Variants in PLB1 observed in about 807,000 individuals in gnomAD.
PLB1 encodes the protein phospholipase B1, also known as phospholipase B1, membrane-associated.
PLB1 carries 242 observed loss-of-function variants against 227.4 expected under a neutral mutation model. The observed-to-expected ratio is 1.06, with a 90% CI of 0.96 to 1.18. The LOEUF is 1.18. PLB1 is among the 50% of genes most tolerant of loss of function. The pLI is 0.00. For synonymous variants in PLB1, 757 were observed against 682.2 expected (o/e 1.11, Z -1.71); for missense variants, 1,858 against 1,816.3 (o/e 1.02, Z -0.42).
At chr2:28,498,260 G>A (rs1197012845) in intron 1 of PLB1, among the ~76,000 whole-genome samples, 3 of 151,624 alleles carry the variant, frequency 2.0e-5, no homozygotes, top group Non-Finnish European at 4.4e-5. Context: ...GTCTCACTCT[G>A]TCACCTAGGC....
chr2:28,598,815 G>A, intron 35 of PLB1, 55 bp downstream of exon 35: 1 of 1,455,124 alleles, frequency 6.9e-7, no homozygotes, highest in Non-Finnish European at 9.7e-7. Flanking sequence ...AATGTGGATA[G>A]TACCCTTTAA....
In PLB1 at chr2:28,511,788, C is replaced by CTTTTTTTTTTTTTTTTT. The variant is rs59137589; in HGVS notation, c.56-5006_56-5005insTTTTTTTTTTTTTTTTT. ...TTTGGGAAGTTTTCAGCCATTTTAT[C>CTTTTTTTTTTTTTTTTT]TTTTTTTTTTTTTTGAGATGGAGTT... On this transcript the variant is annotated intron_variant, in intron 1 of 57. Transcript: ENST00000327757. Among the ~76,000 whole-genome samples, 39 of 132,614 alleles carry CTTTTTTTTTTTTTTTTT rather than the reference C, an allele frequency of 2.9e-4. 2 individuals are homozygous for CTTTTTTTTTTTTTTTTT. The highest frequency in any genetic ancestry group is 6.2e-4 in the African/African-American group (22 of 35,424). The allele number at this position is 132,614 out of a possible 152,430, so 87.0% of individuals were successfully genotyped here. A position where few individuals can be genotyped will look rare whatever the true frequency, so the allele number is the denominator to read the frequency against.
At chr2:28,551,378 G>A (rs11127168) in intron 16 of PLB1, among the ~76,000 whole-genome samples, 54,178 of 152,174 alleles carry the variant, frequency 0.36, 10,615 homozygotes, top group South Asian at 0.48. Context: ...CTCAAGGGTT[G>A]ATGTCTTCTT....
Position 28,628,627 on chromosome 2 carries a change from A to C in PLB1, c.3725A>C (p.Glu1242Ala). The C allele has an allele frequency of 1.9e-6, 3 of 1,613,982 alleles. No individual in the cohort carries two copies. The highest frequency in any genetic ancestry group is 2.5e-6 in the Non-Finnish European group (3 of 1,179,928). The change falls in exon 52 of 58, where the codon GAG becomes GCG. Residue 1242 changes from glutamate (E) to alanine (A), a missense_variant and splice_region_variant. Coordinates refer to ENST00000327757, the MANE Select transcript of PLB1 (RefSeq NM_153021.5). ...CAGGCCCTGGACATCCTCTCTGAGG[A>C]GGTAGGAGAGGGGTTACGTGTTCCT... Reference protein sequence around the residue: ...IQQALDILSEELPRAFVNVVE... With the variant: ...IQQALDILSEALPRAFVNVVE...
At chr2:28,554,637 G>A (rs914425354) in intron 17 of PLB1, among the ~76,000 whole-genome samples, 4 of 151,722 alleles carry the variant, frequency 2.6e-5, no homozygotes, top group Admixed American at 1.3e-4. Flanking sequence ...ACATCTGAAA[G>A]TTTTAATAGC....
Position 28,496,072 on chromosome 2 carries a change from G to A in PLB1, c.-43G>A. 6.3e-7 allele frequency: 1 copy of A among 1,591,554 alleles called. No individual in the cohort carries two copies. Among genetic ancestry groups the A allele is most frequent in the East Asian group, 2.2e-5 (1 of 44,760 alleles). ...GGTGTGATAGCCCATCCATCTGCTG[G>A]AGCAGCTCTTCCAGAGGCCCGAGTC... On this transcript the variant is annotated 5_prime_UTR_variant, in exon 1 of 58. Transcript: ENST00000327757.
At chr2:28,610,670 C>G (rs1685314839) in intron 43 of PLB1, among the ~76,000 whole-genome samples, 1 of 149,804 alleles carries the variant, frequency 6.7e-6, no homozygotes, top group South Asian at 2.1e-4. Flanking sequence ...TGGTTTGATC[C>G]AACCAGCACA....
intron 56 of PLB1, among the ~76,000 whole-genome samples, chr2:28,635,897 C>CCTAA (rs1314255644): frequency 1.3e-5 from 2 of 152,224 alleles, no homozygotes; most frequent in African/African-American, 4.8e-5. Flanking sequence ...GCTCCAGCCT[C>CCTAA]CTAACTGACA....
intron 4 of PLB1, among the ~76,000 whole-genome samples, chr2:28,520,994 A>G (rs1412668766): frequency 6.6e-6 from 1 of 152,176 alleles, no homozygotes; most frequent in Non-Finnish European, 1.5e-5. Flanking sequence ...AAAACAAAAA[A>G]GAAATCATAC....
intron 43 of PLB1, 122 bp from the exon 44 acceptor site, chr2:28,613,909 C>T (rs1685825306): frequency 1.2e-6 from 1 of 824,604 alleles, no homozygotes. Context: ...ACAGTTCTTT[C>T]TATATAAGTG....
intron 9 of PLB1, among the ~76,000 whole-genome samples, chr2:28,533,746 A>G (rs1443658206): frequency 6.6e-6 from 1 of 152,264 alleles, no homozygotes; most frequent in Non-Finnish European, 1.5e-5. Context: ...ACTTAGACTC[A>G]TCAATGATTT....
chr2:28,533,105 G>A (rs1414859506), intron 9 of PLB1, among the ~76,000 whole-genome samples: 1 of 152,110 alleles, frequency 6.6e-6, no homozygotes, highest in Non-Finnish European at 1.5e-5. Context: ...TGGAGCTTCT[G>A]GAGGTGGTGG....
intron 1 of PLB1, among the ~76,000 whole-genome samples, chr2:28,509,936 A>G (rs944887095): frequency 6.6e-6 from 1 of 152,130 alleles, no homozygotes; most frequent in Non-Finnish European, 1.5e-5. Context: ...GCCAGAAGTG[A>G]GAGGCACCAA....
At chr2:28,601,361 G>C (rs1346173292) in intron 37 of PLB1, 29 bp downstream of exon 37, 1 of 1,599,166 alleles carries the variant, frequency 6.3e-7, no homozygotes, top group Non-Finnish European at 8.6e-7. Context: ...AGGCCTACTT[G>C]TTGTTCCTAA....
intron 6 of PLB1, among the ~76,000 whole-genome samples, chr2:28,527,131 T>A (rs1670366766): frequency 6.6e-6 from 1 of 152,272 alleles, no homozygotes; most frequent in Non-Finnish European, 1.5e-5. Flanking sequence ...AGGATATAGT[T>A]TAGACCCTGA....
chr2:28,537,748 G>GGT (rs140406549), intron 9 of PLB1, among the ~76,000 whole-genome samples: 2 of 151,652 alleles, frequency 1.3e-5, no homozygotes, highest in Non-Finnish European at 2.9e-5. Flanking sequence ...GAAGGGGAGT[G>GGT]GTGTGTGTGT....
At position 28,582,111 on chromosome 2, in the gene PLB1, C is replaced by T. The variant is rs1412267261; in HGVS notation, c.1610C>T (p.Ala537Val). The T allele has an allele frequency of 1.9e-6, 3 of 1,614,008 alleles. No individual in the cohort carries two copies. Among genetic ancestry groups the T allele is most frequent in the Non-Finnish European group, 2.5e-6 (3 of 1,179,870 alleles). The change falls in exon 24 of 58, where the codon GCC (alanine) becomes GTC (valine). Residue 537 changes from alanine (A) to valine (V), a missense_variant. Ala to Val is a moderately conservative substitution (Grantham distance 64, BLOSUM62 0). Transcript: ENST00000327757. The stretch of plus-strand genomic sequence containing the variant: ...AACTTCACAGACAACATTGGAAAGG[C>T]CCTGGACATCCTCCATGCTGAGGTA... The part of the protein sequence containing the change: ...PQNFTDNIGK[A>V]LDILHAEVPR...
At chr2:28,539,312 T>G (rs1270204652) in intron 11 of PLB1, 134 bp downstream of exon 11, 1 of 794,944 alleles carries the variant, frequency 1.3e-6, no homozygotes, top group South Asian at 1.5e-5. Context: ...GAGAAACACA[T>G]GCGAGCTCAC....
chr2:28,620,571 G>A (rs754842963), intron 47 of PLB1, 29 bp from the exon 48 acceptor site: 65 of 1,600,954 alleles, frequency 4.1e-5, no homozygotes, highest in Non-Finnish European at 5.4e-5. Flanking sequence ...GTTGGTGTGA[G>A]TTTAACAAAT....
Sources: gnomAD v4.1 joint callset for allele counts (sites outside exome capture counted in the v4.1 genomes callset) on GRCh38, gnomAD v4.1.1 for gene constraint, MANE v1.5 for transcripts, NCBI Gene and HGNC (gene_info 2026-07-23, HGNC 2026-07-21) for gene names.